The following CHN2 variants were observed in gnomAD, a reference collection of about 807,000 sequenced individuals.
CHN2 encodes the protein chimerin 2.
In CHN2, 35 loss-of-function variants were observed where a neutral mutation model predicts 56.3. The ratio of observed to expected loss-of-function variants is 0.62; its 90% CI spans 0.47 to 0.82. The LOEUF (loss-of-function observed/expected upper bound fraction) is 0.82, where lower values mean the gene tolerates loss of function less well. Among genes scored for constraint, CHN2 ranks in the 40% least tolerant of loss-of-function variants. CHN2 has a pLI of 0.00. For synonymous variants in CHN2, 210 were observed against 212.8 expected (o/e 0.99, Z 0.12); for missense variants, 491 against 580.5 (o/e 0.85, Z 1.58).
At chr7:29,305,063 A>G (rs1341843167) in intron 1 of CHN2, among the ~76,000 whole-genome samples, 1 of 152,126 alleles carries the variant, frequency 6.6e-6, no homozygotes, top group Non-Finnish European at 1.5e-5. Flanking sequence ...TGGAGGGGAA[A>G]GGGACACTGA....
intron 3 of CHN2, among the ~76,000 whole-genome samples, chr7:29,385,397 G>T (rs1366135630): frequency 2.0e-5 from 3 of 152,154 alleles, no homozygotes; most frequent in East Asian, 1.9e-4. Context: ...ATTGTTTGTT[G>T]TAGGGGGTTG....
chr7:29,184,540 C>T (rs560222937), intron 2 of CHN2: 17 of 152,182 alleles, frequency 1.1e-4, no homozygotes, highest in East Asian at 5.8e-4. Flanking sequence ...CCAATGTTTC[C>T]GTTTGGATCT....
chr7:29,464,678 A>T (rs892932331), intron 6 of CHN2, among the ~76,000 whole-genome samples: 7 of 152,314 alleles, frequency 4.6e-5, no homozygotes, highest in African/African-American at 1.7e-4. Flanking sequence ...CTCATGATAC[A>T]CCCAGGTTGG....
intron 1 of CHN2, among the ~76,000 whole-genome samples, chr7:29,229,501 G>A (rs1471404390): frequency 6.6e-6 from 1 of 152,166 alleles, no homozygotes; most frequent in Non-Finnish European, 1.5e-5. Context: ...GAATGGCACT[G>A]GCTCCAGTGA....
At chr7:29,472,392 G>A (rs1239961087) in intron 6 of CHN2, among the ~76,000 whole-genome samples, 1 of 151,928 alleles carries the variant, frequency 6.6e-6, no homozygotes, top group Non-Finnish European at 1.5e-5. Flanking sequence ...GACCCACAGA[G>A]CGTGAAAACA....
At chr7:29,343,856 G>A (rs921496968) in intron 1 of CHN2, among the ~76,000 whole-genome samples, 2 of 151,964 alleles carry the variant, frequency 1.3e-5, no homozygotes, top group Non-Finnish European at 2.9e-5. Flanking sequence ...CTCCAGTCCA[G>A]GCCTCTTTTC....
intron 2 of CHN2, among the ~76,000 whole-genome samples, chr7:29,363,625 T>C (rs576606841): frequency 1.3e-5 from 2 of 152,288 alleles, no homozygotes; most frequent in East Asian, 3.9e-4. Flanking sequence ...ACAAAATAAA[T>C]AAACATAATA....
At chr7:29,511,168 A>G (rs536526228) in intron 12 of CHN2, among the ~76,000 whole-genome samples, 1 of 151,978 alleles carries the variant, frequency 6.6e-6, no homozygotes, top group Admixed American at 6.5e-5. Context: ...CTGTATAAAC[A>G]GTAGGTATTG....
intron 2 of CHN2, chr7:29,181,153 G>A (rs1479331598): frequency 6.6e-6 from 1 of 152,182 alleles, no homozygotes; most frequent in Non-Finnish European, 1.5e-5. Context: ...GATATATGTG[G>A]TGAGTTCTGG....
chr7:29,439,103 C>G (rs1187051568), intron 6 of CHN2, among the ~76,000 whole-genome samples: 1 of 152,118 alleles, frequency 6.6e-6, no homozygotes, highest in Non-Finnish European at 1.5e-5. Flanking sequence ...GTATACCAGG[C>G]CTATTAAGGA....
chr7:29,219,662 A>G (rs1785616940), intron 1 of CHN2, among the ~76,000 whole-genome samples: 1 of 152,228 alleles, frequency 6.6e-6, no homozygotes, highest in African/African-American at 2.4e-5. Flanking sequence ...TGAAAGTAAA[A>G]TGTTAGAAAT....
rs79653365 is a variant in CHN2 at position 29,507,194 on chromosome 7, C to G, written c.992-34C>G. The stretch of plus-strand genomic sequence containing the variant: ...GTACATGCCTTGGTGAAATAAGGTC[C>G]TAATTAGGACTTGGATCACTGATTG... On this transcript the variant is annotated intron_variant, in intron 10 of 12. Coordinates refer to ENST00000222792, the MANE Select transcript of CHN2 (RefSeq NM_004067.4). 739 of 1,570,740 alleles carry G rather than the reference C, an allele frequency of 4.7e-4. 5 individuals are homozygous for G. In the African/African-American group the frequency reaches 6.7e-3, roughly 14 times the overall value.
At chr7:29,399,709 C>T (rs975946185) in intron 5 of CHN2, among the ~76,000 whole-genome samples, 7 of 152,178 alleles carry the variant, frequency 4.6e-5, no homozygotes, top group African/African-American at 1.7e-4. Context: ...TGCACCATCT[C>T]CCTATTATGG....
intron 1 of CHN2, among the ~76,000 whole-genome samples, chr7:29,347,659 T>C (rs1797562154): frequency 6.6e-6 from 1 of 152,180 alleles, no homozygotes; most frequent in African/African-American, 2.4e-5. Context: ...ACGTAAGGAT[T>C]ACAGTTTTCA....
intron 6 of CHN2, among the ~76,000 whole-genome samples, chr7:29,473,658 C>T (rs1562635920): frequency 6.6e-6 from 1 of 151,836 alleles, no homozygotes; most frequent in African/African-American, 2.4e-5. Context: ...ACTGACTGAA[C>T]CAGAAACTCT....
intron 3 of CHN2, among the ~76,000 whole-genome samples, chr7:29,386,781 G>A (rs909103484): frequency 2.0e-5 from 3 of 152,180 alleles, no homozygotes; most frequent in Non-Finnish European, 4.4e-5. Context: ...ATATTTGAGA[G>A]ACCCCAAATG....
intron 7 of CHN2, among the ~76,000 whole-genome samples, chr7:29,490,938 C>T (rs1788596391): frequency 6.6e-6 from 1 of 152,268 alleles, no homozygotes; most frequent in South Asian, 2.1e-4. Flanking sequence ...CATAGATCAA[C>T]TTTAGCTATT....
chr7:29,325,793 A>C (rs993984936), intron 1 of CHN2, among the ~76,000 whole-genome samples: 4 of 152,198 alleles, frequency 2.6e-5, no homozygotes, highest in African/African-American at 9.6e-5. Context: ...TGAATGGTGA[A>C]GAGCCGCCCA....
rs1791680037 is a variant in CHN2, at chr7:29,513,105, T to C, written c.*370T>C. The stretch of plus-strand genomic sequence containing the variant: ...AGGTACTTGATACAGTTATACATTT[T>C]CCACTTACAAAAAGAAGACAATTCT... On this transcript the variant is annotated 3_prime_UTR_variant, in exon 13 of 13. Transcript: ENST00000222792. The C allele has an allele frequency of 6.0e-6, 1 of 165,998 alleles. No homozygotes were observed. Among genetic ancestry groups the C allele is most frequent in the Non-Finnish European group, 1.3e-5 (1 of 76,950 alleles). The allele number at this position is 165,998 out of a possible 1,614,324, so 10.3% of individuals were successfully genotyped here. A position where few individuals can be genotyped will look rare whatever the true frequency, so the allele number is the denominator to read the frequency against.
Sources: gnomAD v4.1 joint callset for allele counts (sites outside exome capture counted in the v4.1 genomes callset) on GRCh38, gnomAD v4.1.1 for gene constraint, MANE v1.5 for transcripts, NCBI Gene and HGNC (gene_info 2026-07-23, HGNC 2026-07-21) for gene names.